The following MYO10 variants were observed in gnomAD, a reference collection of about 807,000 sequenced individuals.
MYO10 encodes the protein unconventional myosin-X.
In MYO10, 133 loss-of-function variants were observed where a neutral mutation model predicts 257.3. The ratio of observed to expected loss-of-function variants is 0.52; its 90% CI spans 0.45 to 0.60. The LOEUF (loss-of-function observed/expected upper bound fraction) is 0.60. Among genes scored for constraint, MYO10 ranks in the 20% least tolerant of loss-of-function variants. The pLI is 0.00. For missense variants in MYO10, 2,399 were observed against 2,635.7 expected, an observed-to-expected ratio of 0.91 and a Z score of 1.97; for synonymous variants, 1,104 against 1,028.6, an observed-to-expected ratio of 1.07 and a Z score of -1.40.
At chr5:16,902,624 C>T in intron 1 of MYO10, 7 of 1,519,624 alleles carry the variant, frequency 4.6e-6, no homozygotes, top group Non-Finnish European at 6.3e-6. Flanking sequence ...GACCATTGTT[C>T]CTTCTTTTCT....
intron 19 of MYO10, among the ~76,000 whole-genome samples, chr5:16,725,787 CT>C (rs35020175): frequency 0.033 from 4,544 of 138,172 alleles, 129 homozygotes; most frequent in African/African-American, 0.089. Context: ...CAGGTACCCC[CT>C]TTTTTTTTTT....
In MYO10 at chr5:16,813,593, C is replaced by T. The variant is rs749795680; in HGVS notation, c.279+4416G>A. Among the ~76,000 whole-genome samples, 138 of 150,836 alleles carry T rather than the reference C, an allele frequency of 9.1e-4. No homozygotes were observed. In the Middle Eastern group the frequency reaches 0.01, roughly 11 times the overall value. Reference sequence around the variant, plus strand: ...CAACAACAACAAAAAAAGGAGGACACGTATGGTGGGCAGAATAATGGCTCC... The same window carrying T: ...CAACAACAACAAAAAAAGGAGGACATGTATGGTGGGCAGAATAATGGCTCC... On this transcript the variant is annotated intron_variant, in intron 3 of 40. Coordinates refer to ENST00000513610, the MANE Select transcript of MYO10 (RefSeq NM_012334.3).
At chr5:16,683,750 A>G in intron 30 of MYO10, 130 bp downstream of exon 30, 1 of 821,358 alleles carries the variant, frequency 1.2e-6, no homozygotes, top group Non-Finnish European at 1.9e-6. Context: ...GCTGGGGTTG[A>G]CAAGGTGGGA....
chr5:16,711,338 C>T, intron 19 of MYO10, 93 bp from the exon 20 acceptor site: 22 of 1,352,398 alleles, frequency 1.6e-5, no homozygotes, highest in Non-Finnish European at 2.2e-5. Context: ...CATTGGTTTA[C>T]CCCGCTTCAA....
In MYO10 at chr5:16,679,995, G is replaced by A; in HGVS notation, c.4494C>T (p.Thr1498=). 6.2e-7 allele frequency: 1 copy of A among 1,613,886 alleles called. No homozygotes were observed. Among genetic ancestry groups the A allele is most frequent in the Non-Finnish European group, 8.5e-7 (1 of 1,179,852 alleles). The change falls in exon 33 of 41, where the codon ACC becomes ACT. Residue 1498 remains threonine, a synonymous_variant. Transcript: ENST00000513610. ...WSSAIQNVTD[T]KAPIDTPTQQ... Reference sequence around the variant, plus strand: ...GGGTGGGGGTGTCGATCGGGGCCTTGGTGTCAGTCACGTTTTGAATGGCAC... The same window carrying A: ...GGGTGGGGGTGTCGATCGGGGCCTTAGTGTCAGTCACGTTTTGAATGGCAC...
chr5:16,814,338 C>T (rs188233465), intron 3 of MYO10, among the ~76,000 whole-genome samples: 2,583 of 151,812 alleles, frequency 0.017, 68 homozygotes, highest in African/African-American at 0.059. Context: ...TTAGTGGAGA[C>T]GGGGTTTCAC....
intron 2 of MYO10, among the ~76,000 whole-genome samples, chr5:16,835,466 A>C (rs1351189652): frequency 6.9e-6 from 1 of 144,598 alleles, no homozygotes; most frequent in Non-Finnish European, 1.5e-5. Context: ...CAGTGAGCCG[A>C]GATCACACCA....
chr5:16,902,577 C>A, intron 1 of MYO10: 3 of 1,580,990 alleles, frequency 1.9e-6, no homozygotes, highest in Non-Finnish European at 2.6e-6. Flanking sequence ...GTTAGTGCAG[C>A]GAATAGGCTG....
chr5:16,675,744 C>CA (rs1202134932), intron 34 of MYO10, among the ~76,000 whole-genome samples: 1 of 151,870 alleles, frequency 6.6e-6, no homozygotes, highest in African/African-American at 2.4e-5. Context: ...TCTCAAAAAA[C>CA]AAAAACAAAA....
At chr5:16,916,093 T>A (rs1439396066) in intron 1 of MYO10, 1 of 456,272 alleles carries the variant, frequency 2.2e-6, no homozygotes, top group Admixed American at 2.3e-5. Context: ...AGCCTCAGCC[T>A]TGGTAAAGAT....
intron 1 of MYO10, among the ~76,000 whole-genome samples, chr5:16,879,255 T>C (rs564148642): frequency 6.6e-6 from 1 of 152,234 alleles, no homozygotes; most frequent in Admixed American, 6.5e-5. Context: ...TCTAGAATTT[T>C]CTACCTCATT....
rs557293517 is a variant in MYO10 at position 16,747,776 on chromosome 5, G to A, written c.1929+7052C>T. 5.9e-4 allele frequency among the ~76,000 whole-genome samples: 89 copies of A among 151,892 alleles called. 1 individual carries two copies. Among genetic ancestry groups the A allele is most frequent in the Non-Finnish European group, 1.1e-3 (75 of 67,880 alleles). On this transcript the variant is annotated intron_variant, in intron 19 of 40. Transcript: ENST00000513610. Reference sequence around the variant, plus strand: ...CTACTAAAAATACAAAAAATTAGCCGTGCGGGGTGGCAGGTGCCTGTAGTC... The same window carrying A: ...CTACTAAAAATACAAAAAATTAGCCATGCGGGGTGGCAGGTGCCTGTAGTC...
At chr5:16,929,976 T>A (rs1044452996) in intron 1 of MYO10, among the ~76,000 whole-genome samples, 2 of 152,142 alleles carry the variant, frequency 1.3e-5, no homozygotes, top group African/African-American at 4.8e-5. Context: ...CATAAAATAA[T>A]CTGAAAATAA....
chr5:16,682,073 G>A (rs1388478102), intron 30 of MYO10, 60 bp from the exon 31 acceptor site: 2 of 1,564,294 alleles, frequency 1.3e-6, no homozygotes, highest in African/African-American at 2.7e-5. Context: ...CATCACCTCT[G>A]TGTGAACCGA....
At chr5:16,841,132 C>A (rs1310425230) in intron 2 of MYO10, among the ~76,000 whole-genome samples, 1 of 142,502 alleles carries the variant, frequency 7.0e-6, no homozygotes, top group Non-Finnish European at 1.5e-5. Context: ...GCAACAAGAG[C>A]GGAAATGCAT....
chr5:16,694,672 A>G, intron 26 of MYO10, 58 bp from the exon 27 acceptor site: 3 of 1,595,646 alleles, frequency 1.9e-6, no homozygotes, highest in Admixed American at 1.7e-5. Context: ...AAGTTGGATG[A>G]CAACAACATG....
At chr5:16,685,606 A>T in intron 29 of MYO10, 132 bp downstream of exon 29, 2 of 661,210 alleles carry the variant, frequency 3.0e-6, no homozygotes, top group South Asian at 1.9e-5. Context: ...TTTTCTCCTT[A>T]ATTATTCTAT....
intron 33 of MYO10, among the ~76,000 whole-genome samples, chr5:16,676,811 C>G (rs1453152086): frequency 6.6e-6 from 1 of 152,150 alleles, no homozygotes; most frequent in Non-Finnish European, 1.5e-5. Flanking sequence ...TGAGACCAGC[C>G]TGGGCAACAT....
In MYO10 at chr5:16,675,260, A is replaced by G. The variant is rs575528329; in HGVS notation, c.4667-110T>C. 15 of 1,076,636 alleles carry G rather than the reference A, an allele frequency of 1.4e-5. No homozygotes were observed. The Admixed American group carries it at 1.6e-4, about 11-fold the overall frequency. 66.7% of individuals were successfully genotyped at this position (1,076,636 alleles called of 1,614,324 possible). ...GGAATAAATGAGGAGGACGGATGCA[A>G]TGCCCACCACACTCCCTATACATCT... is the stretch of plus-strand genomic sequence containing the variant. On this transcript the variant is annotated intron_variant, in intron 34 of 40. Transcript: ENST00000513610.
Sources: gnomAD v4.1 joint callset for allele counts (sites outside exome capture counted in the v4.1 genomes callset) on GRCh38, gnomAD v4.1.1 for gene constraint, MANE v1.5 for transcripts, NCBI Gene and HGNC (gene_info 2026-07-23, HGNC 2026-07-21) for gene names.